The following PLEKHA6 variants were observed in gnomAD, a reference collection of about 807,000 sequenced individuals.
PLEKHA6 encodes the protein pleckstrin homology domain-containing family A member 6.
A neutral mutation model predicts 116.7 loss-of-function variants in PLEKHA6; 60 were observed. The observed-to-expected ratio is 0.51, with a 90% CI of 0.42 to 0.64. The LOEUF (loss-of-function observed/expected upper bound fraction) is 0.64. Ranked by LOEUF, PLEKHA6 falls within the 30% of genes least tolerant of loss-of-function variation. PLEKHA6 has a pLI of 0.00. For missense variants in PLEKHA6, 1,338 were observed against 1,422.7 expected, an observed-to-expected ratio of 0.94 and a Z score of 0.96; for synonymous variants, 489 against 556.1, an observed-to-expected ratio of 0.88 and a Z score of 1.70.
At chr1:204,316,520 C>T (rs1373432651) in intron 1 of PLEKHA6, among the ~76,000 whole-genome samples, 1 of 152,234 alleles carries the variant, frequency 6.6e-6, no homozygotes, top group South Asian at 2.1e-4. Context: ...CTCAGCACCA[C>T]CCAGAGCTGG....
intron 9 of PLEKHA6, among the ~76,000 whole-genome samples, chr1:204,252,140 C>A (rs1290898450): frequency 6.7e-6 from 1 of 148,812 alleles, no homozygotes; most frequent in Admixed American, 6.8e-5. Context: ...GTGCTAAACA[C>A]GGTTTCCAGA....
At chr1:204,281,992 G>A (rs1456862912) in intron 1 of PLEKHA6, among the ~76,000 whole-genome samples, 1 of 152,186 alleles carries the variant, frequency 6.6e-6, no homozygotes, top group East Asian at 1.9e-4. Flanking sequence ...AGATAGAAGA[G>A]ATGGCTCCGT....
In PLEKHA6 at chr1:204,259,447, T is replaced by C; in HGVS notation, c.818A>G (p.Gln273Arg). The change falls in exon 8 of 23, where the codon CAG becomes CGG. Residue 273 changes from glutamine (Q) to arginine (R), a missense_variant. Physicochemically the swap from Gln to Arg is conservative, Grantham distance 43. Coordinates refer to ENST00000272203, the MANE Select transcript of PLEKHA6 (RefSeq NM_014935.5). This position sits in a 1 kb window ranked among gnomAD's most constrained non-coding sequence, Gnocchi z 4.6. ...GEQPAQPNGW[Q>R]YHSPSRPGST... Reference sequence around the variant, plus strand: ...CCCTGGCCGGCTTGGGGAGTGGTACTGCCAGCCATTGGGCTGGGCAGGCTG... The same window carrying C: ...CCCTGGCCGGCTTGGGGAGTGGTACCGCCAGCCATTGGGCTGGGCAGGCTG... The C allele has an allele frequency of 6.2e-7, 1 of 1,614,218 alleles. No individual in the cohort carries two copies. Among genetic ancestry groups the C allele is most frequent in the Middle Eastern group, 1.7e-4 (1 of 6,058 alleles).
chr1:204,343,637 A>G (rs1672924427), intron 1 of PLEKHA6, among the ~76,000 whole-genome samples: 1 of 152,214 alleles, frequency 6.6e-6, no homozygotes, highest in African/African-American at 2.4e-5. Flanking sequence ...TGTGGAAGTT[A>G]GAAGGAAACT....
At chr1:204,327,375 T>G (rs1247050915) in intron 1 of PLEKHA6, among the ~76,000 whole-genome samples, 1 of 152,142 alleles carries the variant, frequency 6.6e-6, no homozygotes, top group African/African-American at 2.4e-5. Flanking sequence ...GTGTCTTGTG[T>G]CTCTAGTGCC....
intron 7 of PLEKHA6, among the ~76,000 whole-genome samples, chr1:204,260,389 C>G (rs1002073181): frequency 2.6e-5 from 4 of 152,216 alleles, no homozygotes; most frequent in African/African-American, 7.2e-5. Context: ...CCAGGACTGA[C>G]TTTCCATGAG....
chr1:204,263,360 C>G (rs1389556120), intron 6 of PLEKHA6, among the ~76,000 whole-genome samples: 2 of 152,194 alleles, frequency 1.3e-5, no homozygotes, highest in Admixed American at 1.3e-4. Flanking sequence ...TCAGCGGTAG[C>G]CTGGGCAGGA....
At chr1:204,297,074 C>T (rs1443045600) in intron 1 of PLEKHA6, 1 of 981,590 alleles carries the variant, frequency 1.0e-6, no homozygotes, top group Non-Finnish European at 1.2e-6. Flanking sequence ...CTACCAGCTC[C>T]ATGGAGAGAG....
intron 1 of PLEKHA6, among the ~76,000 whole-genome samples, chr1:204,350,408 G>T (rs1259351130): frequency 1.3e-5 from 2 of 152,220 alleles, no homozygotes; most frequent in African/African-American, 4.8e-5. Context: ...AGCAGAGTGA[G>T]CTGGTAAACT....
intron 3 of PLEKHA6, among the ~76,000 whole-genome samples, chr1:204,365,211 T>C (rs1673627068): frequency 6.6e-6 from 1 of 152,170 alleles, no homozygotes; most frequent in South Asian, 2.1e-4. Flanking sequence ...CGTGCCCAGA[T>C]AGGGAATTTA....
At chr1:204,303,199 G>C (rs1427354589) in intron 1 of PLEKHA6, among the ~76,000 whole-genome samples, 4 of 152,098 alleles carry the variant, frequency 2.6e-5, no homozygotes, top group African/African-American at 7.2e-5. Context: ...ACCTTGGCCT[G>C]GTCTTCCAGA....
In PLEKHA6 at chr1:204,230,535, C is replaced by A; in HGVS notation, c.2461G>T (p.Val821Leu). ...FPGEGKVKMS[V>L]EEQIDRMRRH... ...CGCATTCGGTCAATCTGCTCCTCCACGCTCATCTTGACCTTCCCCTCGCCA... is the reference window on the plus strand; with the variant it reads ...CGCATTCGGTCAATCTGCTCCTCCAAGCTCATCTTGACCTTCCCCTCGCCA... The change falls in exon 18 of 23, where the codon GTG (valine) becomes TTG (leucine). Residue 821 changes from valine to leucine, a missense_variant. This residue lies in a region of PLEKHA6 where 1,136 missense variants were observed against 1,163.6 expected (regional missense o/e 0.98). Transcript: ENST00000272203. The A allele has an allele frequency of 6.2e-7, 1 of 1,600,872 alleles. No homozygotes were observed. Among genetic ancestry groups the A allele is most frequent in the Middle Eastern group, 1.7e-4 (1 of 6,050 alleles).
At chr1:204,307,186 ACT>A (rs1181270947) in intron 1 of PLEKHA6, among the ~76,000 whole-genome samples, 2 of 151,916 alleles carry the variant, frequency 1.3e-5, no homozygotes, top group African/African-American at 4.8e-5. Flanking sequence ...ACACACATTC[ACT>A]CTCACACACT....
Position 204,269,219 on chromosome 1 carries a change from C to T in PLEKHA6, c.103-907G>A, listed in dbSNP as rs769631090. 2.6e-5 allele frequency among the ~76,000 whole-genome samples: 4 copies of T among 151,154 alleles called. No individual in the cohort carries two copies. In the Admixed American group the frequency reaches 2.7e-4, roughly 10 times the overall value. Reference sequence around the variant, plus strand: ...CCAGCTTTTCTACTCCATTGAGGTCCCCAGCTCCTCAATTCTTGTCTTTTT... The same window carrying T: ...CCAGCTTTTCTACTCCATTGAGGTCTCCAGCTCCTCAATTCTTGTCTTTTT... On this transcript the variant is annotated intron_variant, in intron 3 of 22. Coordinates refer to ENST00000272203, the MANE Select transcript of PLEKHA6 (RefSeq NM_014935.5).
At chr1:204,364,688 G>A (rs976674064), upstream of PLEKHA6, among the ~76,000 whole-genome samples, 1 of 152,110 alleles carries the variant, frequency 6.6e-6, no homozygotes, top group Admixed American at 6.5e-5. Flanking sequence ...CGGACTTTAC[G>A]ACCCCCCTGT....
At chr1:204,266,964 C>T (rs1000201268) in intron 5 of PLEKHA6, among the ~76,000 whole-genome samples, 3 of 152,176 alleles carry the variant, frequency 2.0e-5, no homozygotes, top group African/African-American at 7.2e-5. Flanking sequence ...CATGTTCACT[C>T]ATTCAGTATT....
At chr1:204,370,949 G>A (rs968617038) in intron 2 of PLEKHA6, among the ~76,000 whole-genome samples, 1 of 151,678 alleles carries the variant, frequency 6.6e-6, no homozygotes, top group Non-Finnish European at 1.5e-5. Context: ...AGCTATTTGG[G>A]AGGCTGAGGC....
At chr1:204,343,313 T>C (rs1030094236) in intron 1 of PLEKHA6, among the ~76,000 whole-genome samples, 1 of 152,232 alleles carries the variant, frequency 6.6e-6, no homozygotes, top group African/African-American at 2.4e-5. Flanking sequence ...GAATTGCCTT[T>C]GGTTGCCAGG....
upstream of PLEKHA6, among the ~76,000 whole-genome samples, chr1:204,360,324 G>C (rs1673530153): frequency 6.6e-6 from 1 of 152,200 alleles, no homozygotes; most frequent in African/African-American, 2.4e-5. Context: ...CTCCAGAGAG[G>C]GGCACGTCTC....
Sources: gnomAD v4.1 joint callset for allele counts (sites outside exome capture counted in the v4.1 genomes callset) on GRCh38, gnomAD v4.1.1 for gene constraint, gnomAD v4.1.1 regional missense constraint, Gnocchi (gnomAD v3.1) non-coding constraint, MANE v1.5 for transcripts, NCBI Gene and HGNC (gene_info 2026-07-23, HGNC 2026-07-21) for gene names.